Variants in DCC observed in about 807,000 individuals in gnomAD.
DCC encodes DCC netrin 1 receptor.
DCC carries 58 observed loss-of-function variants against 172.5 expected under a neutral mutation model. That is an observed-to-expected ratio of 0.34 (90% CI 0.27 to 0.42). The LOEUF (loss-of-function observed/expected upper bound fraction) is 0.42. DCC is among the 10% of genes least tolerant of loss of function. The pLI is 1.00. For synonymous variants in DCC, 709 were observed against 644.5 expected, an observed-to-expected ratio of 1.10 and a Z score of -1.52; for missense variants, 1,740 against 1,791.0, an observed-to-expected ratio of 0.97 and a Z score of 0.51.
intron 25 of DCC, among the ~76,000 whole-genome samples, chr18:53,481,911 C>G (rs1473224124): frequency 6.6e-6 from 1 of 152,132 alleles, no homozygotes; most frequent in Admixed American, 6.6e-5. Flanking sequence ...ATTCAATTGT[C>G]AGAAAGCTGT....
At chr18:53,168,405 G>A (rs1290987274) in intron 8 of DCC, among the ~76,000 whole-genome samples, 1 of 152,060 alleles carries the variant, frequency 6.6e-6, no homozygotes, top group East Asian at 1.9e-4. Flanking sequence ...ATGAGTTCAT[G>A]TCCTTTGCAG....
chr18:52,467,319 A>G (rs1988815401), intron 1 of DCC, among the ~76,000 whole-genome samples: 1 of 151,698 alleles, frequency 6.6e-6, no homozygotes, highest in Non-Finnish European at 1.5e-5. Context: ...TTCCTGTGTT[A>G]GTTTGCTGAG....
At chr18:53,373,565 C>T (rs2058080818) in intron 15 of DCC, among the ~76,000 whole-genome samples, 1 of 151,820 alleles carries the variant, frequency 6.6e-6, no homozygotes, top group African/African-American at 2.4e-5. Flanking sequence ...ATTATTCTAA[C>T]TTCATTTCAT....
At chr18:52,828,209 T>C (rs1410679591) in intron 2 of DCC, among the ~76,000 whole-genome samples, 2 of 152,206 alleles carry the variant, frequency 1.3e-5, no homozygotes, top group Non-Finnish European at 2.9e-5. Context: ...TACACAGCCA[T>C]GTCTCCTTCA....
At chr18:53,326,394 C>T (rs2057468784) in intron 14 of DCC, among the ~76,000 whole-genome samples, 1 of 152,104 alleles carries the variant, frequency 6.6e-6, no homozygotes, top group African/African-American at 2.4e-5. Context: ...TACCAAAGGC[C>T]TTCTCAATTT....
At chr18:53,403,414 T>C (rs1909449739) in intron 19 of DCC, among the ~76,000 whole-genome samples, 1 of 152,208 alleles carries the variant, frequency 6.6e-6, no homozygotes, top group South Asian at 2.1e-4. Context: ...CTGACAGAAA[T>C]TGAACATAAT....
At chr18:53,016,668 G>A (rs899226420) in intron 5 of DCC, among the ~76,000 whole-genome samples, 2 of 152,104 alleles carry the variant, frequency 1.3e-5, no homozygotes, top group Non-Finnish European at 2.9e-5. Context: ...TAATGGGAGT[G>A]AGAGTACTTT....
At chr18:52,815,082 T>C (rs1314516405) in intron 2 of DCC, among the ~76,000 whole-genome samples, 1 of 152,170 alleles carries the variant, frequency 6.6e-6, no homozygotes, top group African/African-American at 2.4e-5. Flanking sequence ...GGGTATCTAT[T>C]GTAGGCCAAA....
intron 21 of DCC, among the ~76,000 whole-genome samples, chr18:53,420,108 G>T (rs1378180764): frequency 6.6e-6 from 1 of 152,092 alleles, no homozygotes; most frequent in African/African-American, 2.4e-5. Flanking sequence ...GCCTGTCTTG[G>T]CCTCTTAAAG....
chr18:52,911,846 T>C (rs1238191720), intron 3 of DCC, among the ~76,000 whole-genome samples: 2 of 152,000 alleles, frequency 1.3e-5, no homozygotes, highest in African/African-American at 4.8e-5. Context: ...TAGCCTTTCA[T>C]AGATTTAAGA....
intron 12 of DCC, among the ~76,000 whole-genome samples, chr18:53,267,989 G>T (rs2056701992): frequency 6.6e-6 from 1 of 152,138 alleles, no homozygotes. Flanking sequence ...GCACTTCAAA[G>T]CACTAAAAAA....
chr18:53,328,691 T>C (rs1180293354), intron 14 of DCC, among the ~76,000 whole-genome samples: 1 of 151,986 alleles, frequency 6.6e-6, no homozygotes, highest in African/African-American at 2.4e-5. Flanking sequence ...TCCACCACCA[T>C]GCTTGGCTAA....
intron 22 of DCC, 64 bp downstream of exon 22, chr18:53,435,273 T>C (rs1195776661): frequency 7.1e-6 from 8 of 1,120,064 alleles, no homozygotes; most frequent in Non-Finnish European, 1.1e-5. Flanking sequence ...TTCAAGAGTG[T>C]CTGGGGCAAA....
chr18:52,473,193 G>A (rs941913849), intron 1 of DCC, among the ~76,000 whole-genome samples: 1 of 152,158 alleles, frequency 6.6e-6, no homozygotes, highest in South Asian at 2.1e-4. Context: ...AAACAGGCAG[G>A]CTCTGGTCTC....
At chr18:52,410,637 G>A (rs1027021640) in intron 1 of DCC, among the ~76,000 whole-genome samples, 4 of 152,084 alleles carry the variant, frequency 2.6e-5, no homozygotes, top group African/African-American at 7.2e-5. Context: ...GAACAGCTGT[G>A]AAGAAAGCTA....
chr18:53,010,616 TAATA>T (rs1299247210), intron 5 of DCC, among the ~76,000 whole-genome samples: 2 of 150,856 alleles, frequency 1.3e-5, no homozygotes, highest in African/African-American at 2.4e-5. Flanking sequence ...GAGTTAGGCC[TAATA>T]AATATAATAT....
intron 7 of DCC, among the ~76,000 whole-genome samples, chr18:53,072,997 A>G (rs1330272994): frequency 6.6e-6 from 1 of 152,234 alleles, no homozygotes; most frequent in Non-Finnish European, 1.5e-5. Context: ...CAAGACACAT[A>G]TCACATCTAC....
chr18:52,745,545 G>T (rs181726937), intron 1 of DCC, among the ~76,000 whole-genome samples: 214 of 152,072 alleles, frequency 1.4e-3, no homozygotes, highest in African/African-American at 4.7e-3. Context: ...ATAGGATACA[G>T]GCTGATATTT....
At chr18:52,575,855 A>C (rs2033396608) in intron 1 of DCC, among the ~76,000 whole-genome samples, 1 of 152,200 alleles carries the variant, frequency 6.6e-6, no homozygotes, top group South Asian at 2.1e-4. Flanking sequence ...TTAGTAAGTA[A>C]GTAACCTCAT....
Sources: allele counts gnomAD v4.1 joint callset (sites outside exome capture counted in the v4.1 genomes callset), GRCh38; gene constraint gnomAD v4.1.1; transcripts MANE v1.5; gene names NCBI Gene and HGNC (gene_info 2026-07-23, HGNC 2026-07-21).